Variants in ULK4 observed in about 807,000 individuals in gnomAD.
ULK4 encodes the protein inactive serine/threonine-protein kinase ULK4.
In ULK4, 133 loss-of-function variants were observed where a neutral mutation model predicts 160.6. The ratio of observed to expected loss-of-function variants is 0.83; its 90% CI spans 0.72 to 0.96. ULK4 has a LOEUF of 0.96. Among genes scored for constraint, ULK4 ranks in the 40% least tolerant of loss-of-function variants. The pLI, the probability that ULK4 is intolerant of heterozygous loss-of-function variation, is 0.00. For missense variants in ULK4, 1,580 were observed against 1,499.5 expected, an observed-to-expected ratio of 1.05 and a Z score of -0.89; for synonymous variants, 534 against 539.8, an observed-to-expected ratio of 0.99 and a Z score of 0.15.
intron 31 of ULK4, among the ~76,000 whole-genome samples, chr3:41,567,443 ATTTTTTTT>A (rs71288055): frequency 4.4e-5 from 4 of 90,312 alleles, no homozygotes; most frequent in Non-Finnish European, 8.2e-5. Context: ...CACTTAACAG[ATTTTTTTT>A]TTTTTTTTTT....
chr3:41,670,899 T>C (rs192592974), intron 29 of ULK4, among the ~76,000 whole-genome samples: 41 of 152,202 alleles, frequency 2.7e-4, no homozygotes, highest in Admixed American at 9.2e-4. Flanking sequence ...TACCTACTGT[T>C]AACTCCCAAA....
chr3:41,423,155 T>C (rs891520406), intron 34 of ULK4, among the ~76,000 whole-genome samples: 2 of 152,118 alleles, frequency 1.3e-5, no homozygotes, highest in African/African-American at 4.8e-5. Flanking sequence ...ATCACTGAGA[T>C]AAGTGCTTTG....
At chr3:41,370,708 G>A (rs1181488055) in intron 35 of ULK4, among the ~76,000 whole-genome samples, 1 of 152,162 alleles carries the variant, frequency 6.6e-6, no homozygotes, top group Non-Finnish European at 1.5e-5. Context: ...AAAAGCCCTG[G>A]GTTTCATGCA....
At chr3:41,668,993 C>T (rs2035442252) in intron 29 of ULK4, among the ~76,000 whole-genome samples, 1 of 151,984 alleles carries the variant, frequency 6.6e-6, no homozygotes, top group South Asian at 2.1e-4. Context: ...AATATTCTTA[C>T]TATATAAAGA....
chr3:41,540,281 A>G (rs1443245789), intron 32 of ULK4, among the ~76,000 whole-genome samples: 1 of 111,466 alleles, frequency 9.0e-6, no homozygotes, highest in Non-Finnish European at 2.0e-5. Context: ...GAGTGAGAAC[A>G]TGTGGTGTTT....
At chr3:41,700,021 G>C (rs762811098) in intron 27 of ULK4, among the ~76,000 whole-genome samples, 1 of 152,052 alleles carries the variant, frequency 6.6e-6, no homozygotes, top group Non-Finnish European at 1.5e-5. Flanking sequence ...AACAAGTAAC[G>C]ACCCAGCAAG....
At chr3:41,838,746 A>C (rs1219172303) in intron 17 of ULK4, among the ~76,000 whole-genome samples, 1 of 152,266 alleles carries the variant, frequency 6.6e-6, no homozygotes, top group Non-Finnish European at 1.5e-5. Flanking sequence ...TATGTGAAGC[A>C]AAAACTGATC....
intron 27 of ULK4, 114 bp from the exon 28 acceptor site, chr3:41,681,918 A>T (rs1395782235): frequency 1.2e-5 from 13 of 1,073,886 alleles, no homozygotes; most frequent in Non-Finnish European, 1.7e-5. Flanking sequence ...GAAAAAAAGC[A>T]ACGGCTAAGT....
intron 32 of ULK4, among the ~76,000 whole-genome samples, chr3:41,552,262 G>A (rs2087098494): frequency 6.6e-6 from 1 of 151,946 alleles, no homozygotes; most frequent in Admixed American, 6.6e-5. Context: ...CCTAGCCAGA[G>A]CAATCAAGCA....
At chr3:41,304,411 G>A (rs2079863420) in intron 35 of ULK4, among the ~76,000 whole-genome samples, 1 of 152,156 alleles carries the variant, frequency 6.6e-6, no homozygotes, top group South Asian at 2.1e-4. Flanking sequence ...AGAGAAGACA[G>A]TGTAGAAAGA....
At chr3:41,844,230 C>T (rs11928580) in intron 17 of ULK4, among the ~76,000 whole-genome samples, 47,668 of 151,794 alleles carry the variant, frequency 0.31, 11,000 homozygotes, top group African/African-American at 0.66. Flanking sequence ...GCGGCGCTCG[C>T]TGGGGAGACT....
chr3:41,910,176 G>C (rs1041800841), intron 11 of ULK4, among the ~76,000 whole-genome samples: 1 of 152,132 alleles, frequency 6.6e-6, no homozygotes, highest in African/African-American at 2.4e-5. Context: ...GATTACAGGC[G>C]TGAGCTACTG....
intron 19 of ULK4, among the ~76,000 whole-genome samples, chr3:41,811,169 A>G (rs905496972): frequency 1.3e-5 from 2 of 151,788 alleles, no homozygotes; most frequent in African/African-American, 4.8e-5. Flanking sequence ...TTACAGGTAT[A>G]AGCCACTGCA....
intron 32 of ULK4, among the ~76,000 whole-genome samples, chr3:41,514,881 T>C (rs1185965397): frequency 6.6e-6 from 1 of 152,072 alleles, no homozygotes; most frequent in African/African-American, 2.4e-5. Context: ...ATACAATCTA[T>C]GCATGTTTAC....
At chr3:41,919,576 T>C (rs920624112) in intron 6 of ULK4, 141 bp downstream of exon 6, 3 of 656,490 alleles carry the variant, frequency 4.6e-6, no homozygotes, top group Admixed American at 2.5e-5. Flanking sequence ...CACTCCAGAC[T>C]GGGTGACAGT....
intron 35 of ULK4, among the ~76,000 whole-genome samples, chr3:41,329,306 C>G (rs191325557): frequency 6.6e-6 from 1 of 152,268 alleles, no homozygotes; most frequent in African/African-American, 2.4e-5. Flanking sequence ...AAATTTGGCT[C>G]AATCTGGGGA....
intron 34 of ULK4, among the ~76,000 whole-genome samples, chr3:41,406,502 A>C (rs899150434): frequency 1.3e-5 from 2 of 152,182 alleles, no homozygotes; most frequent in Non-Finnish European, 2.9e-5. Flanking sequence ...AGTTCTGTGA[A>C]AAATGTCGGT....
chr3:41,438,695 T>C (rs568906290), intron 34 of ULK4, among the ~76,000 whole-genome samples: 2 of 151,666 alleles, frequency 1.3e-5, no homozygotes, highest in African/African-American at 4.8e-5. Context: ...GGCATTGTGG[T>C]GCATGCATGT....
In ULK4 at chr3:41,896,752, A is replaced by G; in HGVS notation, c.1530+70T>C. ...TTTGTGGTAGTTAAATCAAATTGTT[A>G]TTTTAGCACTTGTTTGAGCCTCTAT... On this transcript the variant is annotated intron_variant, in intron 15 of 36. Transcript: ENST00000301831. 9 of 1,469,018 alleles carry G rather than the reference A, an allele frequency of 6.1e-6. No individual in the cohort carries two copies. The South Asian group carries it at 1.0e-4, about 16-fold the overall frequency. The allele number at this position is 1,469,018 out of a possible 1,614,324, so 91.0% of individuals were successfully genotyped here. A position where few individuals can be genotyped will look rare whatever the true frequency, so the allele number is the denominator to read the frequency against.
Sources: gnomAD v4.1 joint callset for allele counts (sites outside exome capture counted in the v4.1 genomes callset) on GRCh38, gnomAD v4.1.1 for gene constraint, MANE v1.5 for transcripts, NCBI Gene and HGNC (gene_info 2026-07-23, HGNC 2026-07-21) for gene names.